The following PCDHA2 variants were observed in gnomAD, a reference collection of about 807,000 sequenced individuals.
PCDHA2 encodes the protein protocadherin alpha 2, also known as protocadherin alpha-2.
A neutral mutation model predicts 66.0 loss-of-function variants in PCDHA2; 58 were observed. That is an observed-to-expected ratio of 0.88 (90% CI 0.71 to 1.09). PCDHA2 has a LOEUF of 1.09. PCDHA2 is among the 50% of genes least tolerant of loss of function. PCDHA2 has a pLI of 0.00. For synonymous variants in PCDHA2, 634 were observed against 554.0 expected (o/e 1.14, Z -2.03); for missense variants, 1,267 against 1,242.3 (o/e 1.02, Z -0.30).
intron 1 of PCDHA2, among the ~76,000 whole-genome samples, chr5:140,839,236 T>C (rs1562375380): frequency 6.6e-6 from 1 of 152,030 alleles, no homozygotes. Flanking sequence ...CTGTTTTTAT[T>C]GCTTTGCTTT....
chr5:140,972,287 G>T (rs2096528818), intron 1 of PCDHA2, among the ~76,000 whole-genome samples: 1 of 151,036 alleles, frequency 6.6e-6, no homozygotes, highest in Non-Finnish European at 1.5e-5. Flanking sequence ...CCATAGATGT[G>T]CGCCACCGTG....
At chr5:140,982,074 T>TAGAGAACCTAGGAACA (rs1554243726) in intron 2 of PCDHA2, among the ~76,000 whole-genome samples, 1 of 151,090 alleles carries the variant, frequency 6.6e-6, no homozygotes, top group Non-Finnish European at 1.5e-5. Flanking sequence ...TTCTTTAGAG[T>TAGAGAACCTAGGAACA]AGAGAACCTA....
At chr5:140,809,652 C>A in intron 1 of PCDHA2, 1 of 1,493,130 alleles carries the variant, frequency 6.7e-7, no homozygotes, top group South Asian at 1.4e-5. Flanking sequence ...TTCTAAGAGT[C>A]AAATTTCCCT....
chr5:140,883,844 G>A (rs1404353270), intron 1 of PCDHA2: 4 of 1,612,836 alleles, frequency 2.5e-6, no homozygotes, highest in East Asian at 2.2e-5. Context: ...GTTGGACCAC[G>A]AGGAGCTGGA....
At chr5:140,888,558 C>G (rs782768307) in intron 1 of PCDHA2, among the ~76,000 whole-genome samples, 1 of 152,188 alleles carries the variant, frequency 6.6e-6, no homozygotes, top group Non-Finnish European at 1.5e-5. Flanking sequence ...TTATTCCTTT[C>G]AAGGCTTCAT....
chr5:140,960,849 A>G (rs1347970743), intron 1 of PCDHA2, among the ~76,000 whole-genome samples: 10 of 152,220 alleles, frequency 6.6e-5, no homozygotes, highest in African/African-American at 2.2e-4. Context: ...TTTAATGGCA[A>G]CTATAAGCCA....
intron 1 of PCDHA2, chr5:140,877,068 G>T: frequency 6.2e-7 from 1 of 1,613,122 alleles, no homozygotes; most frequent in African/African-American, 1.3e-5. Context: ...AGCTGCTGCA[G>T]TTCCAGGTGA....
intron 1 of PCDHA2, chr5:140,849,876 A>T (rs191347173): frequency 4.4e-6 from 7 of 1,598,522 alleles, no homozygotes; most frequent in Middle Eastern, 1.7e-4. Context: ...GTCCGAGTAC[A>T]CGGTGTTCGT....
chr5:140,859,882 T>C (rs2046069596), intron 1 of PCDHA2: 1 of 152,016 alleles, frequency 6.6e-6, no homozygotes, highest in Admixed American at 6.6e-5. Context: ...CTCTGATATT[T>C]TGAAAAAAAA....
chr5:140,947,249 C>T (rs1178030042), intron 1 of PCDHA2, among the ~76,000 whole-genome samples: 3 of 151,204 alleles, frequency 2.0e-5, no homozygotes, highest in African/African-American at 7.3e-5. Flanking sequence ...TAAGATAATC[C>T]AATGTACCAT....
chr5:140,978,377 G>A (rs1382683424), intron 1 of PCDHA2, among the ~76,000 whole-genome samples: 3 of 152,212 alleles, frequency 2.0e-5, no homozygotes, highest in Non-Finnish European at 4.4e-5. Context: ...GCAATAGTTT[G>A]TTTTCCTCTC....
chr5:140,845,302 C>A lies in PCDHA2; in HGVS notation c.2388+47950C>A, dbSNP rs2150378107. On this transcript the variant is annotated intron_variant, in intron 1 of 3. Coordinates refer to ENST00000526136, the MANE Select transcript of PCDHA2 (RefSeq NM_018905.3). ...TATTTCCTATCCTGTCTATGTCTAC[C>A]TGGTTCTCAGGTATTACTTTAATTA... is the stretch of plus-strand genomic sequence containing the variant. 3.4e-5 allele frequency among the ~76,000 whole-genome samples: 5 copies of A among 148,988 alleles called. 1 individual carries two copies. Among genetic ancestry groups the A allele is most frequent in the Non-Finnish European group, 6.0e-5 (4 of 66,584 alleles).
chr5:140,829,456 C>A, intron 1 of PCDHA2: 1 of 1,613,884 alleles, frequency 6.2e-7, no homozygotes, highest in Non-Finnish European at 8.5e-7. Flanking sequence ...CTCCGGCGTT[C>A]GCGCAGCCCG....
At chr5:140,811,159 G>A (rs553109730) in intron 1 of PCDHA2, 10 of 152,198 alleles carry the variant, frequency 6.6e-5, no homozygotes, top group African/African-American at 2.4e-4. Context: ...CCCTCCCCCA[G>A]TCCCCCACAC....
At chr5:140,834,558 C>G (rs2150220968) in intron 1 of PCDHA2, 1 of 1,614,104 alleles carries the variant, frequency 6.2e-7, no homozygotes, top group East Asian at 2.2e-5. Context: ...GCTGGCGGAG[C>G]TGGTGCCGCG....
intron 3 of PCDHA2, among the ~76,000 whole-genome samples, chr5:140,987,224 A>T (rs28567024): frequency 4.6e-5 from 7 of 152,044 alleles, no homozygotes; most frequent in East Asian, 1.9e-4. Context: ...AAAAAAAAAA[A>T]AAATAATAAA....
chr5:140,935,894 C>CTTTT (rs55841305), intron 1 of PCDHA2, among the ~76,000 whole-genome samples: 9 of 136,750 alleles, frequency 6.6e-5, no homozygotes, highest in South Asian at 2.3e-4. Flanking sequence ...TCAATATTAT[C>CTTTT]TTTTTTTTTT....
chr5:140,871,092 C>A (rs575877743), intron 1 of PCDHA2: 2 of 1,613,142 alleles, frequency 1.2e-6, no homozygotes, highest in Admixed American at 1.7e-5. Flanking sequence ...CCACGGCCAC[C>A]GTGCTGGTGT....
In PCDHA2 at chr5:140,795,696, A is replaced by G. The variant is rs1554119541; in HGVS notation, c.732A>G (p.Gln244=). 5 of 1,614,150 alleles carry G rather than the reference A, an allele frequency of 3.1e-6. No homozygotes were observed. Among genetic ancestry groups the G allele is most frequent in the Non-Finnish European group, 3.4e-6 (4 of 1,180,008 alleles). ...ATGACAATGAACCAACTTTTGCCCA[A>G]TCAGTTTACAAAGTAAAATTGTTAG... is the stretch of plus-strand genomic sequence containing the variant. ...DVNDNEPTFA[Q]SVYKVKLLEN... is the part of the protein sequence containing the mutation. Residue 244 remains glutamine (Q), a synonymous_variant, in exon 1 of 4, where the codon CAA becomes CAG. Coordinates refer to ENST00000526136, the MANE Select transcript of PCDHA2 (RefSeq NM_018905.3).
Sources: allele counts gnomAD v4.1 joint callset (sites outside exome capture counted in the v4.1 genomes callset), GRCh38; gene constraint gnomAD v4.1.1; transcripts MANE v1.5; gene names NCBI Gene and HGNC (gene_info 2026-07-23, HGNC 2026-07-21).